GRID2: variants seen among roughly 807,000 people sequenced by gnomAD.
GRID2 encodes the protein glutamate ionotropic receptor delta type subunit 2.
Under a neutral mutation model 114.8 loss-of-function variants are expected in GRID2, and 33 were observed. The observed-to-expected ratio is 0.29, with a 90% CI of 0.22 to 0.38. The LOEUF (loss-of-function observed/expected upper bound fraction) is 0.38. Ranked by LOEUF, GRID2 falls within the 10% of genes least tolerant of loss-of-function variation. GRID2 has a pLI of 1.00. For synonymous variants in GRID2, 505 were observed against 449.9 expected, an observed-to-expected ratio of 1.12 and a Z score of -1.55; for missense variants, 1,184 against 1,257.7, an observed-to-expected ratio of 0.94 and a Z score of 0.89.
intron 1 of GRID2, among the ~76,000 whole-genome samples, chr4:93,802,688 A>G (rs1394772370): frequency 6.6e-6 from 1 of 152,150 alleles, no homozygotes; most frequent in Non-Finnish European, 1.5e-5. Flanking sequence ...TTTAATTTCT[A>G]CTTGCAATAT....
chr4:92,811,179 C>A (rs1378743736), intron 2 of GRID2, among the ~76,000 whole-genome samples: 3 of 152,150 alleles, frequency 2.0e-5, no homozygotes, highest in Admixed American at 2.0e-4. Flanking sequence ...CAGTATGCAA[C>A]TGTCCCTGAA....
intron 4 of GRID2, among the ~76,000 whole-genome samples, chr4:93,115,549 G>C (rs920735019): frequency 6.6e-6 from 1 of 151,980 alleles, no homozygotes; most frequent in Non-Finnish European, 1.5e-5. Context: ...AATATCTAAT[G>C]GTTATATAAT....
rs565297953 is a variant in GRID2, at chr4:92,613,333, T to A, written c.244+23047T>A. 3.3e-5 allele frequency among the ~76,000 whole-genome samples: 5 copies of A among 151,552 alleles called. No homozygotes were observed. In the East Asian group the frequency reaches 9.7e-4, roughly 29 times the overall value. Reference sequence around the variant, plus strand: ...CTGAATTTAGTTTGCCAATATTTTGTTAAGGACTCATGAATCTGTATTCAT... The same window carrying A: ...CTGAATTTAGTTTGCCAATATTTTGATAAGGACTCATGAATCTGTATTCAT... On this transcript the variant is annotated intron_variant, in intron 2 of 15. Coordinates refer to ENST00000282020, the MANE Select transcript of GRID2 (RefSeq NM_001510.4).
At chr4:93,108,140 A>G (rs1232168892) in intron 3 of GRID2, among the ~76,000 whole-genome samples, 1 of 152,096 alleles carries the variant, frequency 6.6e-6, no homozygotes, top group Non-Finnish European at 1.5e-5. Context: ...ACTTTACCTC[A>G]GAGTTTAAAT....
downstream of GRID2, among the ~76,000 whole-genome samples, chr4:93,779,562 T>G (rs1200009546): frequency 6.6e-6 from 1 of 152,124 alleles, no homozygotes; most frequent in African/African-American, 2.4e-5. Context: ...ATTTGAAAAG[T>G]GAAGTAAAAA....
intron 2 of GRID2, among the ~76,000 whole-genome samples, chr4:93,051,018 A>G (rs1314390382): frequency 6.6e-6 from 1 of 152,048 alleles, no homozygotes; most frequent in African/African-American, 2.4e-5. Context: ...TTCAGCTGTG[A>G]GTAAACAAAT....
At chr4:93,238,348 T>G in intron 7 of GRID2, 23 bp from the exon 8 acceptor site, 1 of 1,539,100 alleles carries the variant, frequency 6.5e-7, no homozygotes, top group Non-Finnish European at 8.8e-7. Context: ...AAATTTTACA[T>G]CAGTATCTGT....
chr4:92,331,653 T>C (rs1375052740), intron 1 of GRID2, among the ~76,000 whole-genome samples: 1 of 152,194 alleles, frequency 6.6e-6, no homozygotes, highest in Admixed American at 6.6e-5. Flanking sequence ...TAAAAAACAG[T>C]CAAATTGCTA....
Position 93,575,901 on chromosome 4 carries a change from A to G in GRID2, c.2194-50368A>G, listed in dbSNP as rs544610456. The stretch of plus-strand genomic sequence containing the variant: ...CTCACAAGTTAGTGAAGGCCTTGAT[A>G]TTTTTGGGCATTGGTGTTTTTAATT... On this transcript the variant is annotated intron_variant, in intron 13 of 15. Transcript: ENST00000282020. 1.1e-4 allele frequency among the ~76,000 whole-genome samples: 16 copies of G among 152,258 alleles called. No individual in the cohort carries two copies. The South Asian group carries it at 2.9e-3, about 28-fold the overall frequency.
intron 3 of GRID2, among the ~76,000 whole-genome samples, chr4:93,099,740 C>A (rs986514462): frequency 6.6e-6 from 1 of 151,882 alleles, no homozygotes; most frequent in South Asian, 2.1e-4. Flanking sequence ...AAGCACCACT[C>A]TTCACCGTAT....
At chr4:92,805,097 A>T (rs1273501034) in intron 2 of GRID2, among the ~76,000 whole-genome samples, 1 of 152,012 alleles carries the variant, frequency 6.6e-6, no homozygotes. Flanking sequence ...AACTATTATT[A>T]TCTCATTTTC....
At chr4:93,619,506 G>A (rs1347231731) in intron 13 of GRID2, among the ~76,000 whole-genome samples, 1 of 152,204 alleles carries the variant, frequency 6.6e-6, no homozygotes, top group African/African-American at 2.4e-5. Flanking sequence ...GAAGTTTGCA[G>A]CTTAGTGGGC....
chr4:92,526,120 A>G (rs1027098075), intron 1 of GRID2, among the ~76,000 whole-genome samples: 3 of 152,002 alleles, frequency 2.0e-5, no homozygotes, highest in Admixed American at 2.0e-4. Flanking sequence ...CTAAAAAGGA[A>G]GAAGGGAAAA....
intron 4 of GRID2, among the ~76,000 whole-genome samples, chr4:93,198,578 C>T (rs551488691): frequency 2.0e-5 from 3 of 152,134 alleles, no homozygotes; most frequent in South Asian, 2.1e-4. Flanking sequence ...TAGTTATCTA[C>T]GATTTCATTA....
At chr4:92,547,305 A>C (rs72882146) in intron 1 of GRID2, among the ~76,000 whole-genome samples, 1 of 152,184 alleles carries the variant, frequency 6.6e-6, no homozygotes, top group Non-Finnish European at 1.5e-5. Flanking sequence ...GATACACTTT[A>C]GACATAGAAT....
intron 9 of GRID2, among the ~76,000 whole-genome samples, chr4:93,410,463 C>T (rs1766999295): frequency 6.6e-6 from 1 of 152,206 alleles, no homozygotes; most frequent in Non-Finnish European, 1.5e-5. Flanking sequence ...TGCATGCTTT[C>T]AGACCTTACC....
intron 13 of GRID2, among the ~76,000 whole-genome samples, chr4:93,539,750 T>C (rs1252224588): frequency 6.6e-6 from 1 of 152,088 alleles, no homozygotes. Flanking sequence ...GAATGCATTG[T>C]TCCATGGTAT....
intron 2 of GRID2, among the ~76,000 whole-genome samples, chr4:92,858,623 T>C (rs1264053497): frequency 2.0e-5 from 3 of 152,170 alleles, no homozygotes; most frequent in Non-Finnish European, 2.9e-5. Context: ...AGTGGTGCGA[T>C]CTCACCTCCC....
intron 2 of GRID2, among the ~76,000 whole-genome samples, chr4:92,799,780 G>C (rs529559678): frequency 6.6e-6 from 1 of 151,874 alleles, no homozygotes; most frequent in African/African-American, 2.4e-5. Flanking sequence ...CATTTTAGGG[G>C]TTCACAATCC....
Sources: allele counts gnomAD v4.1 joint callset (sites outside exome capture counted in the v4.1 genomes callset), GRCh38; gene constraint gnomAD v4.1.1; transcripts MANE v1.5; gene names NCBI Gene and HGNC (gene_info 2026-07-23, HGNC 2026-07-21).